Variants in GBGT1 observed in about 807,000 individuals in gnomAD.
GBGT1 encodes globoside alpha-1,3-N-acetylgalactosaminyltransferase 1 (FORS blood group).
GBGT1 carries 18 observed loss-of-function variants against 20.9 expected under a neutral mutation model. That is an observed-to-expected ratio of 0.86 (90% confidence interval 0.60 to 1.28). GBGT1 has a LOEUF of 1.28. Among genes scored for constraint, GBGT1 ranks in the 50% most tolerant of loss-of-function variants. The pLI is 0.00. For missense variants in GBGT1, 432 were observed against 455.7 expected (o/e 0.95, Z 0.47); for synonymous variants, 168 against 180.8 (o/e 0.93, Z 0.57).
chr9:133,153,294 C>T lies in GBGT1; in HGVS notation c.*283G>A, dbSNP rs753091329. 2.7e-4 allele frequency: 89 copies of T among 326,972 alleles called. No homozygotes were observed. The highest frequency in any genetic ancestry group is 4.5e-4 in the Non-Finnish European group (81 of 179,834). 20.3% of individuals were successfully genotyped at this position (326,972 alleles called of 1,614,324 possible). A position where few individuals can be genotyped will look rare whatever the true frequency, so the allele number is the denominator to read the frequency against. ...CGGGCTGAGGCTTCAGAGCCTGCCC[C>T]GCAAAGGCACGGCTGCAGAACGTGG... is the stretch of plus-strand genomic sequence containing the variant. On this transcript the variant is annotated 3_prime_UTR_variant, in exon 7 of 7. Coordinates refer to ENST00000372040, the MANE Select transcript of GBGT1 (RefSeq NM_021996.6).
chr9:133,161,765 C>T (rs964135653), intron 2 of GBGT1, among the ~76,000 whole-genome samples: 1 of 152,142 alleles, frequency 6.6e-6, no homozygotes, highest in Non-Finnish European at 1.5e-5. Context: ...TCATTCATTC[C>T]TAGGGAGTGT....
At position 133,154,439 on chromosome 9, in the gene GBGT1, T is replaced by C. The variant is rs2119299847; in HGVS notation, c.360-178A>G. The C allele has an allele frequency of 2.1e-6, 1 of 469,054 alleles. No individual in the cohort carries two copies. Among genetic ancestry groups the C allele is most frequent in the East Asian group, 3.2e-5 (1 of 31,628 alleles). 29.1% of individuals were successfully genotyped at this position (469,054 alleles called of 1,614,324 possible). On this transcript the variant is annotated intron_variant, in intron 6 of 6. Coordinates refer to ENST00000372040, the MANE Select transcript of GBGT1 (RefSeq NM_021996.6). The surrounding 1 kb of genome is among the most constrained non-coding windows in gnomAD (Gnocchi z 4.2). The stretch of plus-strand genomic sequence containing the variant: ...TCCCAAAATGCTAGTACCAGCCTCT[T>C]ACGGCTGTTGTAAGCATGTTCCTGG...
At chr9:133,158,197 G>A (rs1248880215) in intron 3 of GBGT1, among the ~76,000 whole-genome samples, 2 of 152,152 alleles carry the variant, frequency 1.3e-5, no homozygotes, top group African/African-American at 2.4e-5. Context: ...GCCCGAGGCC[G>A]ACTGTCCCCA....
In GBGT1 at chr9:133,156,027, T is replaced by C; in HGVS notation, c.176A>G (p.Gln59Arg). 6.2e-7 allele frequency: 1 copy of C among 1,614,108 alleles called. No individual in the cohort carries two copies. The highest frequency in any genetic ancestry group is 8.5e-7 in the Non-Finnish European group (1 of 1,179,970). The change falls in exon 4 of 7, where the codon CAG becomes CGG. Residue 59 changes from glutamine (Q) to arginine (R), a missense_variant. Gln to Arg is a conservative substitution (Grantham distance 43). Transcript: ENST00000372040. ...CCAGTCTCCTTACCATACCACGGGC[T>C]GGAGTGGCTTCTCCCTCTTGTAGTG... ...KLHYKREKPLQPVVWSQYPQP... is the reference protein window; with the variant it reads ...KLHYKREKPLRPVVWSQYPQP...
intron 2 of GBGT1, 51 bp from the exon 3 acceptor site, chr9:133,161,583 G>T (rs768474870): frequency 1.5e-6 from 2 of 1,292,352 alleles, no homozygotes; most frequent in South Asian, 2.6e-5. Flanking sequence ...TGCACCAGAG[G>T]CTGAAAACGC....
chr9:133,154,208 C>A lies in GBGT1; in HGVS notation c.413G>T (p.Arg138Leu), dbSNP rs752126496. ...GATGTAGTAGTGCACCCGGTACCCA[C>A]GCATGAAGAACTCCTCGGCTGACTC... Reference protein sequence around the residue: ...FLESAEEFFMRGYRVHYYIFT... With the variant: ...FLESAEEFFMLGYRVHYYIFT... The change falls in exon 7 of 7, where the codon CGT (arginine) becomes CTT (leucine). Residue 138 changes from arginine (R) to leucine (L), a missense_variant. Coordinates refer to ENST00000372040, the MANE Select transcript of GBGT1 (RefSeq NM_021996.6). The surrounding 1 kb of genome is among the most constrained non-coding windows in gnomAD (Gnocchi z 4.2). 1.3e-6 allele frequency: 2 copies of A among 1,553,972 alleles called. No individual in the cohort carries two copies.
At chr9:133,157,802 A>C (rs1258638520) in intron 3 of GBGT1, among the ~76,000 whole-genome samples, 1 of 152,264 alleles carries the variant, frequency 6.6e-6, no homozygotes, top group Non-Finnish European at 1.5e-5. Flanking sequence ...AATGGGGACA[A>C]TAAAACCATC....
intron 3 of GBGT1, chr9:133,160,281 TATA>T (rs56707169): frequency 0.072 from 10,424 of 144,010 alleles, 381 homozygotes; most frequent in Middle Eastern, 0.13. Flanking sequence ...TCTGTCTCAA[TATA>T]ATAATAATAA....
intron 3 of GBGT1, among the ~76,000 whole-genome samples, chr9:133,159,516 A>C (rs1371513243): frequency 6.6e-6 from 1 of 152,200 alleles, no homozygotes; most frequent in Non-Finnish European, 1.5e-5. Flanking sequence ...ATACAAAAGC[A>C]GGCCGGTGTG....
chr9:133,156,944 T>C (rs1413790408), intron 3 of GBGT1, among the ~76,000 whole-genome samples: 2 of 152,172 alleles, frequency 1.3e-5, no homozygotes, highest in Non-Finnish European at 2.9e-5. Context: ...GAGAGTATCC[T>C]AGACAACCTG....
At chr9:133,162,299 G>A (rs1375801143) in intron 2 of GBGT1, 43 bp downstream of exon 2, 1 of 1,338,358 alleles carries the variant, frequency 7.5e-7, no homozygotes, top group East Asian at 2.4e-5. Flanking sequence ...GGGGAGTCCT[G>A]GGTGGGGATA....
At chr9:133,160,132 A>T in intron 3 of GBGT1, 1 of 345,748 alleles carries the variant, frequency 2.9e-6, no homozygotes, top group South Asian at 2.0e-5. Flanking sequence ...TCTACTAAAA[A>T]TACAAAAATT....
At chr9:133,156,206 C>T (rs1205835570) in intron 3 of GBGT1, 141 bp from the exon 4 acceptor site, 2 of 838,344 alleles carry the variant, frequency 2.4e-6, no homozygotes, top group East Asian at 5.3e-5. Flanking sequence ...CCCCACAGCC[C>T]CACCCGACTC....
chr9:133,158,432 C>T (rs1832939355), intron 3 of GBGT1, among the ~76,000 whole-genome samples: 2 of 152,162 alleles, frequency 1.3e-5, no homozygotes, highest in African/African-American at 4.8e-5. Context: ...GTGCCCACCA[C>T]CACACCCAGC....
In GBGT1 at chr9:133,154,324, G is replaced by A; in HGVS notation, c.360-63C>T. ...CAGCCTGCCAGGGTCCCCACTGTGTGCTGGGGTCAGCCAGGCTGGGGTCCA... is the reference window on the plus strand; with the variant it reads ...CAGCCTGCCAGGGTCCCCACTGTGTACTGGGGTCAGCCAGGCTGGGGTCCA... On this transcript the variant is annotated intron_variant, in intron 6 of 6. Transcript: ENST00000372040. The surrounding 1 kb of genome is among the most constrained non-coding windows in gnomAD (Gnocchi z 4.2). 3 of 1,046,186 alleles carry A rather than the reference G, an allele frequency of 2.9e-6. No homozygotes were observed. Among genetic ancestry groups the A allele is most frequent in the Non-Finnish European group, 2.7e-6 (2 of 730,680 alleles). The allele number at this position is 1,046,186 out of a possible 1,614,324, so 64.8% of individuals were successfully genotyped here.
At chr9:133,156,802 G>C (rs1832883654) in intron 3 of GBGT1, among the ~76,000 whole-genome samples, 1 of 152,180 alleles carries the variant, frequency 6.6e-6, no homozygotes, top group Admixed American at 6.5e-5. Context: ...GACCTGCCAG[G>C]CACTCATTAC....
In GBGT1 at chr9:133,161,470, A is replaced by G. The variant is rs775207727; in HGVS notation, c.134T>C (p.Ile45Thr). The G allele has an allele frequency of 1.7e-5, 27 of 1,606,124 alleles. No homozygotes were observed. The South Asian group carries it at 3.0e-4, about 18-fold the overall frequency. Residue 45 changes from isoleucine to threonine, a missense_variant, in exon 3 of 7, where the codon ATC becomes ACC. Ile to Thr is a moderately conservative substitution (Grantham distance 89). Transcript: ENST00000372040. ...TCCTAGCCACACCCATACTTACAAG[A>G]TCTCTGGGCAGGGGAGATAATAGGG... ...YVPYYLPCPE[I>T]FNMKLHYKRE...
intron 3 of GBGT1, among the ~76,000 whole-genome samples, chr9:133,158,833 G>C (rs1832950094): frequency 6.6e-6 from 1 of 152,124 alleles, no homozygotes; most frequent in Non-Finnish European, 1.5e-5. Flanking sequence ...ACAACAGCTT[G>C]CCGTTGCCCC....
rs114358890 is a variant in GBGT1, at chr9:133,154,451, A to G, written c.360-190T>C. 1,880 of 456,838 alleles carry G rather than the reference A, an allele frequency of 4.1e-3. 26 individuals are homozygous for G. Among genetic ancestry groups the G allele is most frequent in the African/African-American group, 0.034 (1,720 of 51,056 alleles). 28.3% of individuals were successfully genotyped at this position (456,838 alleles called of 1,614,324 possible). On this transcript the variant is annotated intron_variant, in intron 6 of 6. Transcript: ENST00000372040. This position sits in a 1 kb window ranked among gnomAD's most constrained non-coding sequence, Gnocchi z 4.2. ...AGTACCAGCCTCTTACGGCTGTTGTAAGCATGTTCCTGGTAGAGATTCTTA... is the reference window on the plus strand; with the variant it reads ...AGTACCAGCCTCTTACGGCTGTTGTGAGCATGTTCCTGGTAGAGATTCTTA...
Sources: allele counts gnomAD v4.1 joint callset (sites outside exome capture counted in the v4.1 genomes callset), GRCh38; gene constraint gnomAD v4.1.1; non-coding constraint Gnocchi (gnomAD v3.1); transcripts MANE v1.5; gene names NCBI Gene and HGNC (gene_info 2026-07-23, HGNC 2026-07-21).